RNF214: variants seen among roughly 807,000 people sequenced by gnomAD.
RNF214 encodes ring finger protein 214.
A neutral mutation model predicts 75.9 loss-of-function variants in RNF214; 25 were observed. The observed-to-expected ratio is 0.33, with a 90% CI of 0.24 to 0.46. RNF214 has a LOEUF of 0.46. Among genes scored for constraint, RNF214 ranks in the 20% least tolerant of loss-of-function variants. The pLI is 1.00. For synonymous variants in RNF214, 314 were observed against 308.8 expected, an observed-to-expected ratio of 1.02 and a Z score of -0.18; for missense variants, 725 against 857.5, an observed-to-expected ratio of 0.85 and a Z score of 1.93.
chr11:117,262,281 G>T (rs1241853916), intron 6 of RNF214, among the ~76,000 whole-genome samples: 3 of 151,862 alleles, frequency 2.0e-5, no homozygotes, highest in Non-Finnish European at 2.9e-5. Context: ...TAGTGACAGG[G>T]TTTCACCATG....
intron 4 of RNF214, 111 bp downstream of exon 4, chr11:117,239,971 C>G (rs2033025873): frequency 1.6e-6 from 1 of 636,696 alleles, no homozygotes; most frequent in Non-Finnish European, 2.8e-6. Flanking sequence ...AAATTCCTGA[C>G]AGATGGTCAG....
intron 4 of RNF214, among the ~76,000 whole-genome samples, chr11:117,243,316 T>A (rs1565330438): frequency 1.3e-5 from 2 of 152,124 alleles, no homozygotes; most frequent in Non-Finnish European, 2.9e-5. Context: ...CTGGCTAATT[T>A]TGTATTTTTA....
chr11:117,285,225 C>CAAA lies in RNF214; in HGVS notation c.*74_*75insAAA. On this transcript the variant is annotated 3_prime_UTR_variant, in exon 15 of 15. Transcript: ENST00000300650. ...GCGCGGGTTCAAGATTTCTAAAACT[C>CAAA]TATATTTATACAGTGACATATACTC... 1.0e-6 allele frequency: 1 copy of CAAA among 994,876 alleles called. No individual in the cohort carries two copies. Among genetic ancestry groups the CAAA allele is most frequent in the East Asian group, 2.4e-5 (1 of 41,922 alleles). 61.6% of individuals were successfully genotyped at this position (994,876 alleles called of 1,614,324 possible).
At chr11:117,238,486 A>C (rs2032973750) in intron 2 of RNF214, 115 bp from the exon 3 acceptor site, 10 of 908,976 alleles carry the variant, frequency 1.1e-5, no homozygotes, top group South Asian at 3.3e-5. Flanking sequence ...CATTGGATTG[A>C]AACTAAGTTC....
chr11:117,252,535 T>A (rs1263492308), intron 6 of RNF214, among the ~76,000 whole-genome samples: 2 of 152,182 alleles, frequency 1.3e-5, no homozygotes, highest in Admixed American at 6.5e-5. Context: ...AATTTTTTTT[T>A]TTTGAGACGG....
intron 10 of RNF214, 65 bp downstream of exon 10, chr11:117,281,763 C>A: frequency 1.3e-6 from 2 of 1,506,930 alleles, no homozygotes; most frequent in Non-Finnish European, 1.8e-6. Context: ...GAGTCTTCTG[C>A]GTGTTCTTTT....
At chr11:117,279,632 C>T (rs957250901) in intron 6 of RNF214, among the ~76,000 whole-genome samples, 16 of 152,280 alleles carry the variant, frequency 1.1e-4, no homozygotes, top group Admixed American at 3.9e-4. Flanking sequence ...CCACCACGCC[C>T]GGTCACAACG....
chr11:117,240,920 TGTA>T (rs2033061806), intron 4 of RNF214, among the ~76,000 whole-genome samples: 1 of 152,122 alleles, frequency 6.6e-6, no homozygotes, highest in African/African-American at 2.4e-5. Flanking sequence ...GGCTCACGTC[TGTA>T]ATCCTAGCGC....
intron 6 of RNF214, among the ~76,000 whole-genome samples, chr11:117,278,100 C>G (rs560706332): frequency 2.6e-5 from 4 of 152,038 alleles, no homozygotes; most frequent in South Asian, 4.2e-4. Flanking sequence ...GTCAGGAGAT[C>G]GAGACCATCC....
intron 6 of RNF214, among the ~76,000 whole-genome samples, chr11:117,250,075 A>G (rs941640072): frequency 6.6e-5 from 10 of 152,238 alleles, no homozygotes; most frequent in African/African-American, 2.4e-4. Context: ...TGTGAGAGAC[A>G]TAGATAAACA....
At chr11:117,274,810 C>G (rs2033983064) in intron 6 of RNF214, among the ~76,000 whole-genome samples, 1 of 151,710 alleles carries the variant, frequency 6.6e-6, no homozygotes, top group African/African-American at 2.4e-5. Context: ...AAGTAGAACA[C>G]AGATGGGCGC....
chr11:117,255,960 A>G (rs887578203), intron 6 of RNF214, among the ~76,000 whole-genome samples: 1 of 152,260 alleles, frequency 6.6e-6, no homozygotes, highest in Admixed American at 6.5e-5. Flanking sequence ...TTTACTTAGT[A>G]TAAGAGGCCT....
chr11:117,264,664 A>G (rs2033754570), intron 6 of RNF214, among the ~76,000 whole-genome samples: 1 of 152,018 alleles, frequency 6.6e-6, no homozygotes, highest in Non-Finnish European at 1.5e-5. Context: ...ACTTTATGTG[A>G]TATTGCTATA....
At chr11:117,263,992 G>A (rs1222839427) in intron 6 of RNF214, 3 of 166,026 alleles carry the variant, frequency 1.8e-5, no homozygotes, top group African/African-American at 7.2e-5. Flanking sequence ...TGGTATTGGA[G>A]CAGCTCTCTT....
intron 2 of RNF214, among the ~76,000 whole-genome samples, chr11:117,238,390 G>A (rs1468477639): frequency 6.6e-6 from 1 of 152,172 alleles, no homozygotes; most frequent in Admixed American, 6.5e-5. Context: ...GGGTGACAGA[G>A]TTTAGAACCT....
At chr11:117,247,060 A>G in intron 6 of RNF214, 112 bp downstream of exon 6, 1 of 885,160 alleles carries the variant, frequency 1.1e-6, no homozygotes, top group Non-Finnish European at 1.6e-6. Context: ...TTTGAAAAAC[A>G]AGTGTACAAG....
intron 13 of RNF214, 36 bp downstream of exon 13, chr11:117,282,886 G>C (rs774416617): frequency 8.0e-6 from 12 of 1,500,904 alleles, no homozygotes; most frequent in Middle Eastern, 3.4e-4. Flanking sequence ...GTGATATGGA[G>C]AAGCTGGAGG....
chr11:117,250,357 G>T (rs1470797804), intron 6 of RNF214, among the ~76,000 whole-genome samples: 1 of 152,166 alleles, frequency 6.6e-6, no homozygotes, highest in Admixed American at 6.5e-5. Context: ...AAGTAATACT[G>T]TGTCAGTGTT....
intron 6 of RNF214, among the ~76,000 whole-genome samples, chr11:117,255,484 C>G (rs988497681): frequency 6.6e-6 from 1 of 151,956 alleles, no homozygotes; most frequent in Non-Finnish European, 1.5e-5. Context: ...ATTTCATTGT[C>G]AATATTCAAT....
Sources: allele counts gnomAD v4.1 joint callset (sites outside exome capture counted in the v4.1 genomes callset), GRCh38; gene constraint gnomAD v4.1.1; transcripts MANE v1.5; gene names NCBI Gene and HGNC (gene_info 2026-07-23, HGNC 2026-07-21).